VSTM2B: variants seen among roughly 807,000 people sequenced by gnomAD.
The protein encoded by VSTM2B is V-set and transmembrane domain containing 2B, also known as V-set and transmembrane domain-containing protein 2B.
In VSTM2B, 24 loss-of-function variants were observed where a neutral mutation model predicts 24.0. That is an observed-to-expected ratio of 1.00 (90% CI 0.72 to 1.40). The LOEUF (loss-of-function observed/expected upper bound fraction) is 1.40. Among genes scored for constraint, VSTM2B ranks in the 40% most tolerant of loss-of-function variants. The pLI is 0.00. For synonymous variants in VSTM2B, 226 were observed against 194.4 expected, an observed-to-expected ratio of 1.16 and a Z score of -1.35; for missense variants, 399 against 416.4, an observed-to-expected ratio of 0.96 and a Z score of 0.36.
chr19:29,555,371 C>A (rs1031738142), intron 4 of VSTM2B, among the ~76,000 whole-genome samples: 5 of 152,112 alleles, frequency 3.3e-5, no homozygotes, highest in African/African-American at 1.2e-4. Context: ...AGAACAGGGA[C>A]AATGTACCAA....
intron 4 of VSTM2B, among the ~76,000 whole-genome samples, chr19:29,536,309 G>A (rs1969888396): frequency 6.6e-6 from 1 of 152,336 alleles, no homozygotes; most frequent in South Asian, 2.1e-4. Flanking sequence ...GCTTCCTGTA[G>A]GTGGTGTGTG....
At chr19:29,553,612 G>A (rs1970336658) in intron 4 of VSTM2B, among the ~76,000 whole-genome samples, 1 of 152,212 alleles carries the variant, frequency 6.6e-6, no homozygotes, top group Admixed American at 6.5e-5. Flanking sequence ...TGAGATGGAT[G>A]AATTGACAGA....
Position 29,563,502 on chromosome 19 carries a change from C to A in VSTM2B, c.770-344C>A, listed in dbSNP as rs577680301. Reference sequence around the variant, plus strand: ...AAGTGATCCTCCAGCCTCAGCCTCCCAAAGTGTTGGGATTACAGGCATAAT... The same window carrying A: ...AAGTGATCCTCCAGCCTCAGCCTCCAAAAGTGTTGGGATTACAGGCATAAT... On this transcript the variant is annotated intron_variant, in intron 4 of 4. Transcript: ENST00000335523. 2.0e-5 allele frequency among the ~76,000 whole-genome samples: 3 copies of A among 152,220 alleles called. No individual in the cohort carries two copies. In the South Asian group the frequency reaches 6.2e-4, roughly 32 times the overall value.
chr19:29,550,630 G>A (rs552275235), intron 4 of VSTM2B, among the ~76,000 whole-genome samples: 1 of 152,200 alleles, frequency 6.6e-6, no homozygotes, highest in African/African-American at 2.4e-5. Context: ...CTCTTCTCTA[G>A]TGGCTGCCTG....
At chr19:29,554,744 C>T (rs1322342057) in intron 4 of VSTM2B, among the ~76,000 whole-genome samples, 1 of 152,004 alleles carries the variant, frequency 6.6e-6, no homozygotes, top group East Asian at 1.9e-4. Context: ...AAATGGAAAG[C>T]AGAAAAAAGC....
rs1969567260 is a variant in VSTM2B at position 29,526,440 on chromosome 19, C to T, written c.-144C>T. 1 of 315,098 alleles carries T rather than the reference C, an allele frequency of 3.2e-6. No individual in the cohort carries two copies. 19.5% of individuals were successfully genotyped at this position (315,098 alleles called of 1,614,324 possible). A position where few individuals can be genotyped will look rare whatever the true frequency, so the allele number is the denominator to read the frequency against. On this transcript the variant is annotated 5_prime_UTR_variant, in exon 1 of 5. Transcript: ENST00000335523. The surrounding 1 kb of genome is among the most constrained non-coding windows in gnomAD (Gnocchi z 4.1). ...GCGAGGGAGCGGGGCTGATTGGCGGCCGCCGGCGGCCAGGGGAGGGGGCGC... is the reference window on the plus strand; with the variant it reads ...GCGAGGGAGCGGGGCTGATTGGCGGTCGCCGGCGGCCAGGGGAGGGGGCGC...
At position 29,563,856 on chromosome 19, in the gene VSTM2B, T is replaced by C; in HGVS notation, c.780T>C (p.Arg260=). 6.4e-7 allele frequency: 1 copy of C among 1,552,244 alleles called. No individual in the cohort carries two copies. Among genetic ancestry groups the C allele is most frequent in the Non-Finnish European group, 8.7e-7 (1 of 1,147,092 alleles). Residue 260 remains arginine, a synonymous_variant, in exon 5 of 5, where the codon CGT becomes CGC. Transcript: ENST00000335523. ...LRQRHGSGTG[R]SYTTDPLLSL... is the part of the protein sequence containing the mutation. The stretch of plus-strand genomic sequence containing the variant: ...TCTCATCCCCTGCAGGCACCGGCCG[T>C]AGCTACACCACAGACCCACTCTTGT...
intron 4 of VSTM2B, among the ~76,000 whole-genome samples, chr19:29,536,544 A>G (rs1316782274): frequency 6.6e-6 from 1 of 152,238 alleles, no homozygotes; most frequent in Non-Finnish European, 1.5e-5. Context: ...ATAATGATAA[A>G]TAATAACATT....
At chr19:29,548,008 C>G (rs1970190275) in intron 4 of VSTM2B, among the ~76,000 whole-genome samples, 1 of 151,992 alleles carries the variant, frequency 6.6e-6, no homozygotes, top group Admixed American at 6.5e-5. Flanking sequence ...CCAGGTGCGT[C>G]TGAAGGATGG....
chr19:29,563,117 G>C (rs938306625), intron 4 of VSTM2B, among the ~76,000 whole-genome samples: 4 of 152,172 alleles, frequency 2.6e-5, no homozygotes, highest in Non-Finnish European at 4.4e-5. Context: ...GGGGCATGGA[G>C]GGGATGCCGG....
intron 4 of VSTM2B, among the ~76,000 whole-genome samples, chr19:29,555,505 C>A (rs1361676433): frequency 6.6e-6 from 1 of 152,092 alleles, no homozygotes; most frequent in South Asian, 2.1e-4. Flanking sequence ...ACTAGAGAAC[C>A]AAGAGAAAAC....
At chr19:29,553,386 G>A (rs1836005) in intron 4 of VSTM2B, among the ~76,000 whole-genome samples, 96,538 of 152,120 alleles carry the variant, frequency 0.63, 31,758 homozygotes, top group East Asian at 0.81. Flanking sequence ...TAAAACAAAA[G>A]CAAACAAACA....
intron 4 of VSTM2B, among the ~76,000 whole-genome samples, chr19:29,542,270 G>A (rs1169009994): frequency 6.6e-6 from 1 of 151,746 alleles, no homozygotes; most frequent in African/African-American, 2.4e-5. Context: ...TGGGTAGATG[G>A]GTGGATTGAT....
chr19:29,553,343 C>A (rs983258297), intron 4 of VSTM2B, among the ~76,000 whole-genome samples: 2 of 152,160 alleles, frequency 1.3e-5, no homozygotes, highest in East Asian at 1.9e-4. Flanking sequence ...CCCAGCAAAC[C>A]ACAGAAGCCC....
chr19:29,563,915 G>A lies in VSTM2B; in HGVS notation c.839G>A (p.Arg280His), dbSNP rs761971447. 117 of 1,552,196 alleles carry A rather than the reference G, an allele frequency of 7.5e-5. 4 individuals are homozygous for A. Among genetic ancestry groups the A allele is most frequent in the Admixed American group, 4.3e-4 (22 of 50,992 alleles). Reference protein sequence around the residue: ...LLLLALHKFLRLLLGH With the variant: ...LLLLALHKFLHLLLGH ...CTGTTAGCTCTGCATAAGTTCCTGC[G>A]CCTGCTCTTGGGACATTGACAGACA... Residue 280 changes from arginine (R) to histidine (H), a missense_variant, in exon 5 of 5, where the codon CGC (arginine) becomes CAC (histidine). Physicochemically the swap from Arg to His is conservative, Grantham distance 29 (BLOSUM62 0). Coordinates refer to ENST00000335523, the MANE Select transcript of VSTM2B (RefSeq NM_001146339.2).
chr19:29,557,234 A>G (rs1420499167), intron 4 of VSTM2B, among the ~76,000 whole-genome samples: 1 of 152,164 alleles, frequency 6.6e-6, no homozygotes, highest in Non-Finnish European at 1.5e-5. Context: ...AATAAATAAG[A>G]CGCACATCTG....
intron 4 of VSTM2B, among the ~76,000 whole-genome samples, chr19:29,533,168 C>A (rs1969799929): frequency 6.6e-6 from 1 of 152,232 alleles, no homozygotes; most frequent in South Asian, 2.1e-4. Flanking sequence ...CAACTCAATG[C>A]TGATGGCACA....
At position 29,563,550 on chromosome 19, in the gene VSTM2B, T is replaced by C. The variant is rs192716057; in HGVS notation, c.770-296T>C. 2.0e-4 allele frequency among the ~76,000 whole-genome samples: 31 copies of C among 152,272 alleles called. 1 individual carries two copies. The highest frequency in any genetic ancestry group is 1.9e-3 in the Admixed American group (29 of 15,304). ...AATCAACCACACCCAGCTCATATCA[T>C]CTTTTTATTAAAATAAGGTAATGAC... On this transcript the variant is annotated intron_variant, in intron 4 of 4. Coordinates refer to ENST00000335523, the MANE Select transcript of VSTM2B (RefSeq NM_001146339.2).
In VSTM2B at chr19:29,527,379, C is replaced by T. The variant is rs771620231; in HGVS notation, c.251C>T (p.Pro84Leu). Residue 84 changes from proline (P) to leucine (L), a missense_variant, in exon 2 of 5, where the codon CCG becomes CTG. Pro to Leu is a moderately conservative substitution (Grantham distance 98, BLOSUM62 -3). Transcript: ENST00000335523. ...CTGCACGAGCTGGCGCTCAGCGTGCCGGGCGCCCGGAGCAAGGTAACCCGC... is the reference window on the plus strand; with the variant it reads ...CTGCACGAGCTGGCGCTCAGCGTGCTGGGCGCCCGGAGCAAGGTAACCCGC... ...ELLHELALSV[P>L]GARSKVTNKD... The T allele has an allele frequency of 6.5e-7, 1 of 1,539,510 alleles. No homozygotes were observed. The highest frequency in any genetic ancestry group is 8.7e-7 in the Non-Finnish European group (1 of 1,143,796).
Sources: allele counts gnomAD v4.1 joint callset (sites outside exome capture counted in the v4.1 genomes callset), GRCh38; gene constraint gnomAD v4.1.1; non-coding constraint Gnocchi (gnomAD v3.1); transcripts MANE v1.5; gene names NCBI Gene and HGNC (gene_info 2026-07-23, HGNC 2026-07-21).